Variants in GRM7 observed in about 807,000 individuals in gnomAD.
GRM7 encodes the protein metabotropic glutamate receptor 7.
A neutral mutation model predicts 84.5 loss-of-function variants in GRM7; 35 were observed. The observed-to-expected ratio is 0.41, with a 90% CI of 0.32 to 0.55. GRM7 has a LOEUF of 0.55. Ranked by LOEUF, GRM7 falls within the 20% of genes least tolerant of loss-of-function variation. The pLI, the probability that GRM7 is intolerant of heterozygous loss-of-function variation, is 0.19. For missense variants in GRM7, 1,003 were observed against 1,194.6 expected, an observed-to-expected ratio of 0.84 and a Z score of 2.36; for synonymous variants, 487 against 455.1, an observed-to-expected ratio of 1.07 and a Z score of -0.89.
Position 7,064,479 on chromosome 3 carries a change from T to TATATATACACACACAC in GRM7, c.520-81972_520-81971insTATATACACACACACA. On this transcript the variant is annotated intron_variant, in intron 1 of 9. Transcript: ENST00000357716. ...ATATATATACATATATATATATATA[T>TATATATACACACACAC]ACACACATATACATATATATATACA... Among the ~76,000 whole-genome samples the TATATATACACACACAC allele has an allele frequency of 3.0e-5, 3 of 99,382 alleles. 1 individual carries two copies. The highest frequency in any genetic ancestry group is 6.3e-5 in the Non-Finnish European group (3 of 47,346). The allele number at this position is 99,382 out of a possible 152,430, so 65.2% of individuals were successfully genotyped here.
intron 1 of GRM7, among the ~76,000 whole-genome samples, chr3:7,099,039 TA>T (rs1189049664): frequency 6.6e-6 from 1 of 151,710 alleles, no homozygotes; most frequent in African/African-American, 2.4e-5. Flanking sequence ...CTAAGTTCCT[TA>T]AAGCCAAGAC....
intron 2 of GRM7, among the ~76,000 whole-genome samples, chr3:7,195,790 A>C (rs1038781241): frequency 6.6e-6 from 1 of 152,310 alleles, no homozygotes; most frequent in South Asian, 2.1e-4. Context: ...GGTTTAAAAA[A>C]TATAAGAACT....
At chr3:6,932,862 C>G (rs1229755419) in intron 1 of GRM7, among the ~76,000 whole-genome samples, 1 of 144,102 alleles carries the variant, frequency 6.9e-6, no homozygotes, top group African/African-American at 2.6e-5. Flanking sequence ...TCATTTGATT[C>G]TCCTGCCTCA....
intron 7 of GRM7, among the ~76,000 whole-genome samples, chr3:7,472,308 A>G (rs1698734002): frequency 6.6e-6 from 1 of 152,208 alleles, no homozygotes; most frequent in Non-Finnish European, 1.5e-5. Context: ...AAATGGACTA[A>G]GAGAGTTCAC....
chr3:7,663,265 G>A lies in GRM7; in HGVS notation c.2452-16784G>A, dbSNP rs144357718. ...GACTCAACTGGTCTCAGCTGGCATC[G>A]CTCAGGGAGCTCAGAAGCTGCCTTA... On this transcript the variant is annotated intron_variant, in intron 8 of 9. Transcript: ENST00000357716. Among the ~76,000 whole-genome samples the A allele has an allele frequency of 3.9e-4, 60 of 152,282 alleles. No individual in the cohort carries two copies. In the East Asian group the frequency reaches 0.01, roughly 26 times the overall value.
intron 2 of GRM7, among the ~76,000 whole-genome samples, chr3:7,187,225 A>G (rs1553628669): frequency 1.4e-5 from 2 of 147,090 alleles, no homozygotes; most frequent in South Asian, 4.2e-4. Flanking sequence ...ACACACACAC[A>G]AAATCTTGTC....
chr3:7,131,772 A>T lies in GRM7; in HGVS notation c.520-14680A>T, dbSNP rs2125053790. On this transcript the variant is annotated intron_variant, in intron 1 of 9. Coordinates refer to ENST00000357716, the MANE Select transcript of GRM7 (RefSeq NM_000844.4). ...GATGCTGGGATTACAGGCGTGAGCC[A>T]CCGCACCCAGGCTATTCTGTGTATT... Among the ~76,000 whole-genome samples the T allele has an allele frequency of 1.3e-5, 2 of 152,278 alleles. 1 individual carries two copies. Among genetic ancestry groups the T allele is most frequent in the East Asian group, 3.9e-4 (2 of 5,158 alleles).
At chr3:7,099,643 T>C (rs1326825866) in intron 1 of GRM7, among the ~76,000 whole-genome samples, 2 of 118,860 alleles carry the variant, frequency 1.7e-5, no homozygotes, top group Admixed American at 8.4e-5. Flanking sequence ...GCATTATACA[T>C]GTGCACATAT....
intron 1 of GRM7, among the ~76,000 whole-genome samples, chr3:7,145,935 T>C (rs1206769939): frequency 6.6e-6 from 1 of 152,216 alleles, no homozygotes; most frequent in Non-Finnish European, 1.5e-5. Flanking sequence ...TAAAATGTTC[T>C]TGTGAAGAAT....
chr3:7,592,359 GA>G, intron 8 of GRM7, among the ~76,000 whole-genome samples: 1 of 152,270 alleles, frequency 6.6e-6, no homozygotes. Context: ...GACAACCTTT[GA>G]ACAAAGACAT....
intron 2 of GRM7, among the ~76,000 whole-genome samples, chr3:7,192,374 C>G (rs1447242738): frequency 6.6e-6 from 1 of 152,096 alleles, no homozygotes; most frequent in Non-Finnish European, 1.5e-5. Context: ...GGATTGGCCT[C>G]CTCTCCAATT....
At chr3:7,318,696 G>A (rs148629412) in intron 4 of GRM7, among the ~76,000 whole-genome samples, 1 of 152,146 alleles carries the variant, frequency 6.6e-6, no homozygotes, top group Admixed American at 6.6e-5. Context: ...TTAGGTGTGT[G>A]CTGTAGGTTA....
chr3:7,236,763 T>C (rs1192559623), intron 2 of GRM7, among the ~76,000 whole-genome samples: 8 of 152,158 alleles, frequency 5.3e-5, no homozygotes, highest in Non-Finnish European at 1.2e-4. Flanking sequence ...CAGCTCTCAG[T>C]TTCTGTGCCC....
rs55998387 is a variant in GRM7, at chr3:7,087,392, C to CT, written c.520-59046dup. On this transcript the variant is annotated intron_variant, in intron 1 of 9. Transcript: ENST00000357716. The stretch of plus-strand genomic sequence containing the variant: ...TATATTTTCTATTCTAGAATATGCT[C>CT]TTTTTTTTTTTTTTACCCCAACCGA... Among the ~76,000 whole-genome samples the CT allele has an allele frequency of 1.5e-3, 222 of 147,190 alleles. 1 individual carries two copies. Among genetic ancestry groups the CT allele is most frequent in the Admixed American group, 3.3e-3 (49 of 14,714 alleles).
intron 8 of GRM7, among the ~76,000 whole-genome samples, chr3:7,616,120 A>G (rs545781275): frequency 1.4e-4 from 22 of 152,230 alleles, no homozygotes; most frequent in African/African-American, 5.1e-4. Context: ...TCTATTTAGA[A>G]ATTATTTTAT....
At chr3:6,934,771 T>C (rs993892373) in intron 1 of GRM7, among the ~76,000 whole-genome samples, 1 of 152,098 alleles carries the variant, frequency 6.6e-6, no homozygotes, top group Non-Finnish European at 1.5e-5. Flanking sequence ...AAAATATCAA[T>C]AGAACTAGAT....
intron 1 of GRM7, among the ~76,000 whole-genome samples, chr3:7,140,259 G>T (rs1414854426): frequency 2.0e-5 from 3 of 151,984 alleles, no homozygotes; most frequent in African/African-American, 4.8e-5. Flanking sequence ...TAAGACTAAA[G>T]GTAGGTAGTA....
rs932320453 is a variant in GRM7, at chr3:7,314,963, A to T, written c.1033+8311A>T. ...AGGCTACAATCAAGTTTGTTTAGTG[A>T]CTTTTCCATACTATTTCTGCAAAGA... On this transcript the variant is annotated intron_variant, in intron 4 of 9. Transcript: ENST00000357716. 7.9e-5 allele frequency among the ~76,000 whole-genome samples: 12 copies of T among 151,670 alleles called. No homozygotes were observed. In the East Asian group the frequency reaches 1.4e-3, roughly 17 times the overall value.
At position 7,018,140 on chromosome 3, in the gene GRM7, AAT is replaced by A. The variant is rs749424857; in HGVS notation, c.520-128307_520-128306del. 1.1e-4 allele frequency among the ~76,000 whole-genome samples: 17 copies of A among 152,356 alleles called. 1 individual carries two copies. The highest frequency in any genetic ancestry group is 6.8e-3 in the Middle Eastern group (2 of 294). ...TAATTTTAATAGTACATTTTATTTG[AAT>A]ATATCCTTATATTACTTTAACATGT... On this transcript the variant is annotated intron_variant, in intron 1 of 9. Coordinates refer to ENST00000357716, the MANE Select transcript of GRM7 (RefSeq NM_000844.4).
Sources: allele counts gnomAD v4.1 joint callset (sites outside exome capture counted in the v4.1 genomes callset), GRCh38; gene constraint gnomAD v4.1.1; transcripts MANE v1.5; gene names NCBI Gene and HGNC (gene_info 2026-07-23, HGNC 2026-07-21).